The following ARHGEF26 variants were observed in gnomAD, a reference collection of about 807,000 sequenced individuals.
ARHGEF26 encodes the protein Rho guanine nucleotide exchange factor 26, also known as Rho guanine nucleotide exchange factor (GEF) 26.
A neutral mutation model predicts 89.4 loss-of-function variants in ARHGEF26; 59 were observed. That is an observed-to-expected ratio of 0.66 (90% CI 0.54 to 0.82). The LOEUF is 0.82. Among genes scored for constraint, ARHGEF26 ranks in the 40% least tolerant of loss-of-function variants. The pLI, the probability that ARHGEF26 is intolerant of heterozygous loss-of-function variation, is 0.00. For missense variants in ARHGEF26, 1,234 were observed against 1,085.6 expected (o/e 1.14, Z -1.92); for synonymous variants, 500 against 428.4 (o/e 1.17, Z -2.06).
At chr3:154,206,916 C>A (rs1320668970) in intron 9 of ARHGEF26, among the ~76,000 whole-genome samples, 2 of 152,072 alleles carry the variant, frequency 1.3e-5, no homozygotes, top group Non-Finnish European at 1.5e-5. Context: ...AAAACTGACA[C>A]AAAGACCAAT....
Position 154,187,730 on chromosome 3 carries a change from A to T in ARHGEF26, c.1533A>T (p.Ile511=), listed in dbSNP as rs183851298. 3.1e-6 allele frequency: 5 copies of T among 1,611,334 alleles called. No individual in the cohort carries two copies. The East Asian group carries it at 1.1e-4, about 36-fold the overall frequency. Reference sequence around the variant, plus strand: ...CAAGACATCAGAATAATATCTTCATAGATGACATAAGTGACATTGTGGAAA... The same window carrying T: ...CAAGACATCAGAATAATATCTTCATTGATGACATAAGTGACATTGTGGAAA... ...LEARHQNNIF[I]DDISDIVEKH... is the part of the protein sequence containing the mutation. The change falls in exon 7 of 15, where the codon ATA becomes ATT. Residue 511 remains isoleucine (I), a synonymous_variant. Transcript: ENST00000465093.
chr3:154,124,568 C>A, intron 3 of ARHGEF26, 119 bp downstream of exon 3: 2 of 903,190 alleles, frequency 2.2e-6, no homozygotes, highest in Non-Finnish European at 1.6e-6. Flanking sequence ...AACTTCTTCT[C>A]AAATTATACA....
At chr3:154,242,893 G>T (rs1266311699) in intron 12 of ARHGEF26, among the ~76,000 whole-genome samples, 3 of 152,136 alleles carry the variant, frequency 2.0e-5, no homozygotes, top group Non-Finnish European at 4.4e-5. Flanking sequence ...AGATCCCAGA[G>T]TTCTTCCCCT....
chr3:154,156,743 G>A (rs553385173), intron 6 of ARHGEF26, among the ~76,000 whole-genome samples: 14 of 152,244 alleles, frequency 9.2e-5, no homozygotes, highest in African/African-American at 3.1e-4. Context: ...CCAAGTGTTG[G>A]TAACTACTTA....
At chr3:154,139,464 G>A (rs1719225754) in intron 4 of ARHGEF26, among the ~76,000 whole-genome samples, 1 of 152,224 alleles carries the variant, frequency 6.6e-6, no homozygotes, top group East Asian at 1.9e-4. Context: ...AATAATAGCA[G>A]TCTGTAGGAA....
intron 12 of ARHGEF26, among the ~76,000 whole-genome samples, chr3:154,244,611 C>G (rs1188014989): frequency 6.6e-6 from 1 of 151,930 alleles, no homozygotes. Context: ...TCAAAAGGTC[C>G]TCGTTTATAC....
At chr3:154,186,136 G>GAGACACACACAC (rs71152790) in intron 6 of ARHGEF26, among the ~76,000 whole-genome samples, 1 of 146,930 alleles carries the variant, frequency 6.8e-6, no homozygotes, top group East Asian at 2.0e-4. Context: ...CACACACTTA[G>GAGACACACACAC]ACACACACAC....
At chr3:154,236,039 A>T (rs768382378) in intron 11 of ARHGEF26, among the ~76,000 whole-genome samples, 12 of 152,222 alleles carry the variant, frequency 7.9e-5, no homozygotes, top group South Asian at 2.1e-4. Context: ...AGGGCTTCAT[A>T]ATAATCTCCT....
At chr3:154,167,918 C>G (rs372583317) in intron 6 of ARHGEF26, among the ~76,000 whole-genome samples, 43 of 152,226 alleles carry the variant, frequency 2.8e-4, no homozygotes, top group African/African-American at 9.6e-4. Context: ...CAGTTTTGTT[C>G]TTACAATCTC....
intron 11 of ARHGEF26, among the ~76,000 whole-genome samples, chr3:154,239,422 T>C (rs1717362124): frequency 6.6e-6 from 1 of 151,662 alleles, no homozygotes; most frequent in Non-Finnish European, 1.5e-5. Flanking sequence ...CAGGGGTCTA[T>C]AGATGACTGT....
chr3:154,185,986 C>T (rs568048310), intron 6 of ARHGEF26, among the ~76,000 whole-genome samples: 9 of 152,302 alleles, frequency 5.9e-5, no homozygotes, highest in East Asian at 1.9e-4. Flanking sequence ...GGCTGCATGC[C>T]TCCCATCAAC....
At chr3:154,225,161 T>A (rs543511494) in intron 10 of ARHGEF26, among the ~76,000 whole-genome samples, 1 of 152,278 alleles carries the variant, frequency 6.6e-6, no homozygotes, top group South Asian at 2.1e-4. Flanking sequence ...CAGTATGTAA[T>A]TTTTTGGATA....
At chr3:154,146,214 G>T (rs968765314) in intron 4 of ARHGEF26, among the ~76,000 whole-genome samples, 1 of 152,188 alleles carries the variant, frequency 6.6e-6, no homozygotes, top group African/African-American at 2.4e-5. Context: ...ATCTTCACGT[G>T]GTAGAAGGGT....
At chr3:154,157,671 A>G (rs899983235) in intron 6 of ARHGEF26, among the ~76,000 whole-genome samples, 1 of 152,064 alleles carries the variant, frequency 6.6e-6, no homozygotes, top group Non-Finnish European at 1.5e-5. Flanking sequence ...ACTCTTGAGG[A>G]CTTGCTGAAA....
intron 2 of ARHGEF26, 96 bp downstream of exon 2, chr3:154,123,171 C>T (rs930174714): frequency 6.7e-7 from 1 of 1,503,082 alleles, no homozygotes; most frequent in African/African-American, 1.4e-5. Flanking sequence ...CCGAAGAAGT[C>T]ATTCCGTTTT....
rs1717428709 is a variant in ARHGEF26 at position 154,240,562 on chromosome 3, A to G, written c.2283A>G (p.Leu761=). 5.6e-6 allele frequency: 9 copies of G among 1,610,882 alleles called. No homozygotes were observed. Among genetic ancestry groups the G allele is most frequent in the Non-Finnish European group, 7.6e-6 (9 of 1,178,444 alleles). ...ACGCGAATGAGAAAGTGGAGATGCT[A>G]CTAGGAGCTGAGACGCAGTAAGTAT... is the stretch of plus-strand genomic sequence containing the variant. ...SNHANEKVEM[L]LGAETQSERA... Residue 761 remains leucine, a synonymous_variant, in exon 12 of 15, where the codon CTA becomes CTG. Transcript: ENST00000465093.
intron 9 of ARHGEF26, among the ~76,000 whole-genome samples, chr3:154,201,687 A>T (rs1490658273): frequency 1.3e-5 from 2 of 151,244 alleles, no homozygotes; most frequent in East Asian, 3.9e-4. Context: ...CTTTTTAATG[A>T]TTGCCATTCT....
intron 12 of ARHGEF26, among the ~76,000 whole-genome samples, chr3:154,246,856 T>C (rs542593474): frequency 6.6e-6 from 1 of 152,222 alleles, no homozygotes; most frequent in Admixed American, 6.5e-5. Context: ...ATCGATGATA[T>C]TTAGATTTTT....
At chr3:154,205,322 C>A in intron 9 of ARHGEF26, among the ~76,000 whole-genome samples, 1 of 151,946 alleles carries the variant, frequency 6.6e-6, no homozygotes, top group Middle Eastern at 3.2e-3. Context: ...AGTATAGCAA[C>A]TCCTGTTTTT....
Sources: allele counts gnomAD v4.1 joint callset (sites outside exome capture counted in the v4.1 genomes callset), GRCh38; gene constraint gnomAD v4.1.1; transcripts MANE v1.5; gene names NCBI Gene and HGNC (gene_info 2026-07-23, HGNC 2026-07-21).